Variants in SMCO4 observed in about 807,000 individuals in gnomAD.
SMCO4 encodes the protein single-pass membrane and coiled-coil domain-containing protein 4.
In SMCO4, 4 loss-of-function variants were observed where a neutral mutation model predicts 3.6. The observed-to-expected ratio is 1.11, with a 90% CI of 0.54 to 2.53. The LOEUF is 2.53. SMCO4 is among the 30% of genes most tolerant of loss of function. SMCO4 has a pLI of 0.02. For missense variants in SMCO4, 70 were observed against 80.8 expected (o/e 0.87, Z 0.51); for synonymous variants, 36 against 35.3 (o/e 1.02, Z -0.07).
intron 1 of SMCO4, among the ~76,000 whole-genome samples, chr11:93,521,254 C>T (rs1379978480): frequency 1.3e-5 from 2 of 152,226 alleles, no homozygotes; most frequent in Non-Finnish European, 2.9e-5. Flanking sequence ...CAATAACCAT[C>T]ACAGATCTGC....
At chr11:93,506,889 T>C (rs1948909572) in intron 1 of SMCO4, among the ~76,000 whole-genome samples, 1 of 152,212 alleles carries the variant, frequency 6.6e-6, no homozygotes, top group African/African-American at 2.4e-5. Flanking sequence ...GCGGTGGTTG[T>C]CTTTGGGAAG....
the SMCO4 span, among the ~76,000 whole-genome samples, chr11:93,552,442 G>GTTACTATTA: frequency 7.7e-6 from 1 of 130,246 alleles, no homozygotes; most frequent in Admixed American, 8.0e-5. Flanking sequence ...GCCCAGCCAC[G>GTTACTATTA]TTATTATTAT....
intron 1 of SMCO4, among the ~76,000 whole-genome samples, chr11:93,537,086 C>A (rs115798485): frequency 0.02 from 3,064 of 152,332 alleles, 99 homozygotes; most frequent in African/African-American, 0.07. Context: ...GGCCTTCCTC[C>A]CTCTCATCCC....
intron 1 of SMCO4, among the ~76,000 whole-genome samples, chr11:93,513,121 G>A (rs959006008): frequency 1.3e-5 from 2 of 152,212 alleles, no homozygotes; most frequent in Non-Finnish European, 2.9e-5. Flanking sequence ...TATTGTGGCT[G>A]CAGTGTGGGG....
intron 2 of SMCO4, among the ~76,000 whole-genome samples, chr11:93,482,418 T>C (rs1055943005): frequency 6.6e-6 from 1 of 152,144 alleles, no homozygotes; most frequent in Non-Finnish European, 1.5e-5. Context: ...GGCAATTGGA[T>C]AAATGAGTCA....
chr11:93,509,281 C>T (rs890654537), intron 1 of SMCO4, among the ~76,000 whole-genome samples: 1 of 145,112 alleles, frequency 6.9e-6, no homozygotes, highest in Non-Finnish European at 1.5e-5. Flanking sequence ...CAGAATGAGA[C>T]CCTGACTCAA....
At chr11:93,541,191 A>C (rs1408446358) in intron 1 of SMCO4, among the ~76,000 whole-genome samples, 1 of 152,174 alleles carries the variant, frequency 6.6e-6, no homozygotes, top group African/African-American at 2.4e-5. Context: ...GGCCCTCAGC[A>C]CCCAAAATGT....
At chr11:93,491,639 G>A (rs768351952) in intron 2 of SMCO4, among the ~76,000 whole-genome samples, 6 of 152,204 alleles carry the variant, frequency 3.9e-5, no homozygotes, top group Non-Finnish European at 8.8e-5. Context: ...TAACTACTAA[G>A]TGATATTGAA....
At position 93,479,851 on chromosome 11, in the gene SMCO4, G is replaced by A. The variant is rs190733643; in HGVS notation, c.-80-582C>T. ...CACCGTGTGCCAAGCATTACTCAAG[G>A]AGCTGAGGATAGAGATGAAGGACTC... On this transcript the variant is annotated intron_variant, in intron 2 of 2. Coordinates refer to ENST00000298966, the MANE Select transcript of SMCO4 (RefSeq NM_020179.3). Among the ~76,000 whole-genome samples, 644 of 152,212 alleles carry A rather than the reference G, an allele frequency of 4.2e-3. 3 individuals carry two copies. Among genetic ancestry groups the A allele is most frequent in the Non-Finnish European group, 6.9e-3 (469 of 68,010 alleles).
intron 1 of SMCO4, among the ~76,000 whole-genome samples, chr11:93,523,594 G>C (rs1949079624): frequency 6.6e-6 from 1 of 151,992 alleles, no homozygotes; most frequent in Non-Finnish European, 1.5e-5. Context: ...GGGAGGCAGA[G>C]GTTGCAGTGA....
intron 1 of SMCO4, among the ~76,000 whole-genome samples, chr11:93,534,169 C>T (rs1195917112): frequency 9.2e-5 from 13 of 141,338 alleles, no homozygotes; most frequent in South Asian, 4.5e-4. Flanking sequence ...CCAGCCTGGG[C>T]GACAAAATGA....
At chr11:93,483,946 C>A (rs370877358) in intron 2 of SMCO4, among the ~76,000 whole-genome samples, 1 of 152,218 alleles carries the variant, frequency 6.6e-6, no homozygotes, top group Non-Finnish European at 1.5e-5. Context: ...GAAGCTCACA[C>A]GCTCAGCCTG....
chr11:93,480,351 A>G (rs1477274174), intron 2 of SMCO4, among the ~76,000 whole-genome samples: 1 of 152,088 alleles, frequency 6.6e-6, no homozygotes, highest in Non-Finnish European at 1.5e-5. Flanking sequence ...CCGAGCCACC[A>G]TGACCACCCC....
At chr11:93,507,382 A>G (rs539932894) in intron 1 of SMCO4, among the ~76,000 whole-genome samples, 1 of 152,346 alleles carries the variant, frequency 6.6e-6, no homozygotes, top group Admixed American at 6.5e-5. Context: ...CCTGGGGGAT[A>G]GAGACTCTAT....
chr11:93,479,379 A>G, intron 2 of SMCO4, 110 bp from the exon 3 acceptor site: 1 of 1,093,112 alleles, frequency 9.1e-7, no homozygotes, highest in Non-Finnish European at 1.2e-6. Flanking sequence ...TACATGACAA[A>G]GGGCTAAGAA....
chr11:93,512,538 T>C (rs562038184), intron 1 of SMCO4, among the ~76,000 whole-genome samples: 3 of 152,228 alleles, frequency 2.0e-5, no homozygotes, highest in South Asian at 2.1e-4. Flanking sequence ...AAATCTTTTA[T>C]ACTATATTTT....
chr11:93,480,712 GTCA>G (rs773564337), intron 2 of SMCO4, among the ~76,000 whole-genome samples: 7 of 152,174 alleles, frequency 4.6e-5, no homozygotes, highest in Non-Finnish European at 7.3e-5. Context: ...TGGGTGGCCT[GTCA>G]TCATCTTGAG....
At chr11:93,552,237 A>G in the SMCO4 span, among the ~76,000 whole-genome samples, 6 of 148,050 alleles carry the variant, frequency 4.1e-5, no homozygotes, top group East Asian at 7.9e-4. Context: ...GCTCACTGCA[A>G]TCTCCTCCTC....
At chr11:93,479,442 G>C (rs903146761) in intron 2 of SMCO4, among the ~76,000 whole-genome samples, 173 bp from the exon 3 acceptor site, 1 of 152,224 alleles carries the variant, frequency 6.6e-6, no homozygotes, top group Admixed American at 6.5e-5. Flanking sequence ...CTAAGTAGTG[G>C]GCACTGGGTC....
Sources: allele counts gnomAD v4.1 joint callset (sites outside exome capture counted in the v4.1 genomes callset), GRCh38; gene constraint gnomAD v4.1.1; transcripts MANE v1.5; gene names NCBI Gene and HGNC (gene_info 2026-07-23, HGNC 2026-07-21).